Variants in ATP2C2 observed in about 807,000 individuals in gnomAD.
ATP2C2 encodes calcium-transporting ATPase type 2C member 2.
ATP2C2 carries 171 observed loss-of-function variants against 110.8 expected under a neutral mutation model. That is an observed-to-expected ratio of 1.54 (90% CI 1.36 to 1.75). The LOEUF is 1.75. Ranked by LOEUF, ATP2C2 falls within the 40% of genes most tolerant of loss-of-function variation. The pLI, the probability that ATP2C2 is intolerant of heterozygous loss-of-function variation, is 0.00. For missense variants in ATP2C2, 1,963 were observed against 1,235.0 expected (o/e 1.59, Z -8.84); for synonymous variants, 804 against 508.4 (o/e 1.58, Z -7.82).
chr16:84,436,297 C>T (rs940693105), intron 11 of ATP2C2, among the ~76,000 whole-genome samples: 1 of 152,252 alleles, frequency 6.6e-6, no homozygotes, highest in African/African-American at 2.4e-5. Context: ...CAGCACTGTG[C>T]ATTGCTGTGG....
At chr16:84,444,627 G>A (rs1909579924) in intron 15 of ATP2C2, among the ~76,000 whole-genome samples, 1 of 152,242 alleles carries the variant, frequency 6.6e-6, no homozygotes. Flanking sequence ...CCGCCCAGAA[G>A]GGAAGGTGCC....
intron 11 of ATP2C2, among the ~76,000 whole-genome samples, chr16:84,427,734 A>C (rs1653165996): frequency 6.6e-6 from 1 of 152,010 alleles, no homozygotes; most frequent in Admixed American, 6.6e-5. Context: ...AAACAAACCA[A>C]AACATAGGTC....
intron 7 of ATP2C2, among the ~76,000 whole-genome samples, chr16:84,416,742 C>G (rs1906868319): frequency 1.3e-5 from 2 of 152,120 alleles, no homozygotes; most frequent in African/African-American, 2.4e-5. Context: ...GCACCAGATA[C>G]AGATCCTCTG....
At chr16:84,427,844 GA>G in intron 11 of ATP2C2, among the ~76,000 whole-genome samples, 1 of 152,138 alleles carries the variant, frequency 6.6e-6, no homozygotes, top group Non-Finnish European at 1.5e-5. Context: ...CGGGGGTGAA[GA>G]AAATGTTCCA....
At position 84,437,151 on chromosome 16, in the gene ATP2C2, T is replaced by G. The variant is rs920884035; in HGVS notation, c.987-2015T>G. On this transcript the variant is annotated intron_variant, in intron 11 of 26. Coordinates refer to ENST00000262429, the MANE Select transcript of ATP2C2 (RefSeq NM_014861.4). ...TACAATTTAATGGTTTTTAGTGTAT[T>G]CAGAGATATACACAGCCGTCACCAC... 3.3e-5 allele frequency among the ~76,000 whole-genome samples: 5 copies of G among 152,306 alleles called. No homozygotes were observed. The East Asian group carries it at 9.6e-4, about 29-fold the overall frequency.
chr16:84,422,866 T>C (rs1014983887), intron 9 of ATP2C2, among the ~76,000 whole-genome samples, 169 bp downstream of exon 9: 1 of 152,084 alleles, frequency 6.6e-6, no homozygotes, highest in East Asian at 1.9e-4. Context: ...GGTTTCGCCA[T>C]GTTGCCCAGG....
chr16:84,425,234 G>T (rs1345641896), intron 10 of ATP2C2, among the ~76,000 whole-genome samples: 1 of 152,140 alleles, frequency 6.6e-6, no homozygotes, highest in Non-Finnish European at 1.5e-5. Flanking sequence ...ACACCTCCGT[G>T]TCTCGTACAC....
chr16:84,378,127 C>T (rs1369658193), intron 1 of ATP2C2, among the ~76,000 whole-genome samples: 1 of 152,178 alleles, frequency 6.6e-6, no homozygotes, highest in Non-Finnish European at 1.5e-5. Flanking sequence ...ACCTCACTTT[C>T]CTAAGCCAAA....
At chr16:84,415,277 G>C (rs1014448503) in intron 6 of ATP2C2, among the ~76,000 whole-genome samples, 1 of 152,174 alleles carries the variant, frequency 6.6e-6, no homozygotes, top group African/African-American at 2.4e-5. Flanking sequence ...TCTTTCAGAT[G>C]TGGCCCAGGG....
At chr16:84,459,852 A>C in intron 23 of ATP2C2, 1 of 401,890 alleles carries the variant, frequency 2.5e-6, no homozygotes, top group Non-Finnish European at 4.7e-6. Flanking sequence ...TTTGTGTTTC[A>C]TCCCTGATGT....
intron 1 of ATP2C2, among the ~76,000 whole-genome samples, chr16:84,383,796 T>TG (rs1910733942): frequency 7.7e-6 from 1 of 130,072 alleles, no homozygotes. Flanking sequence ...GGTTTTTTTT[T>TG]TTTTTTTTTT....
intron 6 of ATP2C2, among the ~76,000 whole-genome samples, chr16:84,411,103 G>A (rs1906244991): frequency 6.6e-6 from 1 of 152,056 alleles, no homozygotes; most frequent in African/African-American, 2.4e-5. Flanking sequence ...CTAGGGAGAG[G>A]GTCTGGAGGT....
At chr16:84,442,183 A>G (rs766355801) in intron 14 of ATP2C2, among the ~76,000 whole-genome samples, 2 of 152,038 alleles carry the variant, frequency 1.3e-5, no homozygotes, top group African/African-American at 2.4e-5. Flanking sequence ...AAGTTGTGCA[A>G]ACTTCACCAC....
At chr16:84,423,036 G>A (rs247814) in intron 9 of ATP2C2, 152 bp from the exon 10 acceptor site, 513,821 of 674,584 alleles carry the variant, frequency 0.76, 199,432 homozygotes, top group Non-Finnish European at 0.81. Context: ...ATACGCACAG[G>A]TCTTCAGTGC....
intron 21 of ATP2C2, among the ~76,000 whole-genome samples, chr16:84,458,763 T>C (rs962179129): frequency 2.0e-5 from 3 of 152,160 alleles, no homozygotes; most frequent in African/African-American, 7.2e-5. Flanking sequence ...TGCGTCTCTC[T>C]CTCCTCTTTG....
At chr16:84,415,724 C>G in intron 7 of ATP2C2, 133 bp downstream of exon 7, 1 of 680,140 alleles carries the variant, frequency 1.5e-6, no homozygotes, top group South Asian at 2.0e-5. Context: ...TGCATACACA[C>G]AAGACAGGAA....
intron 3 of ATP2C2, among the ~76,000 whole-genome samples, chr16:84,406,809 C>G (rs1438445329): frequency 6.6e-6 from 1 of 152,108 alleles, no homozygotes; most frequent in Non-Finnish European, 1.5e-5. Context: ...TTGCTCTGCC[C>G]TGGCACCCCT....
rs2079321467 is a variant in ATP2C2, at chr16:84,463,986, A to C, written c.*254A>C. 1 of 397,642 alleles carries C rather than the reference A, an allele frequency of 2.5e-6. No homozygotes were observed. Among genetic ancestry groups the C allele is most frequent in the East Asian group, 4.3e-5 (1 of 23,260 alleles). 24.6% of individuals were successfully genotyped at this position (397,642 alleles called of 1,614,324 possible). A position where few individuals can be genotyped will look rare whatever the true frequency, so the allele number is the denominator to read the frequency against. On this transcript the variant is annotated 3_prime_UTR_variant, in exon 27 of 27. Transcript: ENST00000262429. ...GAAACACCACACTGTTTATTAAATC[A>C]CAATGATTTTTATTAACCATGTCTA... is the stretch of plus-strand genomic sequence containing the variant.
intron 23 of ATP2C2, 143 bp from the exon 24 acceptor site, chr16:84,460,511 G>A (rs1420974780): frequency 2.6e-6 from 3 of 1,140,082 alleles, no homozygotes; most frequent in Admixed American, 1.7e-5. Flanking sequence ...AGGAGGGCAG[G>A]TGCGATGCCT....
Sources: gnomAD v4.1 joint callset for allele counts (sites outside exome capture counted in the v4.1 genomes callset) on GRCh38, gnomAD v4.1.1 for gene constraint, MANE v1.5 for transcripts, NCBI Gene and HGNC (gene_info 2026-07-23, HGNC 2026-07-21) for gene names.